MARCHF3: variants seen among roughly 807,000 people sequenced by gnomAD.
MARCHF3 encodes the protein E3 ubiquitin-protein ligase MARCHF3.
MARCHF3 carries 13 observed loss-of-function variants against 24.2 expected under a neutral mutation model. That is an observed-to-expected ratio of 0.54 (90% CI 0.35 to 0.85). The LOEUF (loss-of-function observed/expected upper bound fraction) is 0.85. Ranked by LOEUF, MARCHF3 falls within the 40% of genes least tolerant of loss-of-function variation. The pLI is 0.01. For missense variants in MARCHF3, 276 were observed against 325.0 expected (o/e 0.85, Z 1.16); for synonymous variants, 144 against 137.3 (o/e 1.05, Z -0.34).
chr5:126,989,403 G>T (rs1751675876), intron 1 of MARCHF3, among the ~76,000 whole-genome samples: 1 of 152,054 alleles, frequency 6.6e-6, no homozygotes, highest in East Asian at 1.9e-4. Flanking sequence ...GGCTAAAGCA[G>T]TAAGACAATT....
At chr5:126,885,597 TA>T (rs1156678323) in intron 3 of MARCHF3, among the ~76,000 whole-genome samples, 1 of 151,904 alleles carries the variant, frequency 6.6e-6, no homozygotes, top group Non-Finnish European at 1.5e-5. Context: ...ATATCTTGAT[TA>T]AAAAAAGAAA....
At chr5:126,943,853 C>T (rs1166136381) in intron 1 of MARCHF3, among the ~76,000 whole-genome samples, 3 of 151,918 alleles carry the variant, frequency 2.0e-5, no homozygotes, top group Non-Finnish European at 1.5e-5. Flanking sequence ...CTCTGTCGCT[C>T]AGGCTGGAGT....
At chr5:126,991,648 G>A (rs1751765467) in intron 1 of MARCHF3, among the ~76,000 whole-genome samples, 1 of 151,916 alleles carries the variant, frequency 6.6e-6, no homozygotes. Context: ...TTGAACCCAG[G>A]AGGCAGAGGT....
intron 3 of MARCHF3, among the ~76,000 whole-genome samples, chr5:126,887,498 G>T (rs1288214616): frequency 1.3e-5 from 2 of 152,152 alleles, no homozygotes; most frequent in African/African-American, 4.8e-5. Context: ...TATTACAAGT[G>T]TGTCTTTTAA....
chr5:126,940,806 C>CAT (rs1247032587), intron 1 of MARCHF3, among the ~76,000 whole-genome samples: 4 of 151,780 alleles, frequency 2.6e-5, no homozygotes, highest in East Asian at 1.9e-4. Context: ...TAAATATATA[C>CAT]AGCTATATAT....
At chr5:127,010,702 C>T (rs1752443610) in intron 1 of MARCHF3, among the ~76,000 whole-genome samples, 1 of 152,160 alleles carries the variant, frequency 6.6e-6, no homozygotes, top group African/African-American at 2.4e-5. Context: ...TGTCAAAATA[C>T]TTTTTCCACT....
At chr5:126,915,198 C>T in intron 2 of MARCHF3, 64 bp from the exon 3 acceptor site, 1 of 1,532,226 alleles carries the variant, frequency 6.5e-7, no homozygotes, top group South Asian at 1.2e-5. Context: ...GTGGATGGCC[C>T]TCTAGCTCTT....
intron 1 of MARCHF3, among the ~76,000 whole-genome samples, chr5:127,016,631 A>G (rs543408626): frequency 6.6e-6 from 1 of 152,316 alleles, no homozygotes; most frequent in South Asian, 2.1e-4. Flanking sequence ...GAGGATGTGG[A>G]GAAATAGGAA....
intron 1 of MARCHF3, among the ~76,000 whole-genome samples, chr5:127,028,650 A>G (rs1753078900): frequency 6.6e-6 from 1 of 151,944 alleles, no homozygotes; most frequent in African/African-American, 2.4e-5. Context: ...TACATGCCAT[A>G]CTGCAAAGCT....
intron 3 of MARCHF3, among the ~76,000 whole-genome samples, chr5:126,905,870 G>C (rs1754274100): frequency 1.3e-5 from 2 of 152,140 alleles, no homozygotes; most frequent in Non-Finnish European, 2.9e-5. Flanking sequence ...GAAGTGGTGA[G>C]AGAGGGCATC....
chr5:126,924,406 C>T (rs1000432985), intron 1 of MARCHF3, among the ~76,000 whole-genome samples: 21 of 152,078 alleles, frequency 1.4e-4, no homozygotes, highest in African/African-American at 4.8e-4. Context: ...GTGACTGAAA[C>T]GGGAAAAAAA....
intron 3 of MARCHF3, among the ~76,000 whole-genome samples, chr5:126,894,858 C>T (rs1753817874): frequency 6.6e-6 from 1 of 151,498 alleles, no homozygotes; most frequent in South Asian, 2.1e-4. Context: ...CGTTGGCCTG[C>T]CTTGCTAGAT....
At chr5:126,956,662 A>AAAAC (rs1750455164) in intron 1 of MARCHF3, among the ~76,000 whole-genome samples, 4 of 140,434 alleles carry the variant, frequency 2.8e-5, no homozygotes, top group African/African-American at 1.0e-4. Flanking sequence ...AAAAAAAAAA[A>AAAAC]AAAAAAAAAC....
chr5:126,995,479 C>G (rs144435542), intron 1 of MARCHF3, among the ~76,000 whole-genome samples: 5 of 152,242 alleles, frequency 3.3e-5, no homozygotes, highest in East Asian at 3.9e-4. Flanking sequence ...ATTATTAAAG[C>G]CTGCCATGTG....
At chr5:126,975,407 T>C (rs536312167) in intron 1 of MARCHF3, among the ~76,000 whole-genome samples, 14 of 152,364 alleles carry the variant, frequency 9.2e-5, no homozygotes, top group Middle Eastern at 3.4e-3. Flanking sequence ...AGATGTTTGA[T>C]ATACATTGTA....
chr5:126,977,360 T>C (rs894216797), intron 1 of MARCHF3, among the ~76,000 whole-genome samples: 1 of 152,242 alleles, frequency 6.6e-6, no homozygotes, highest in Admixed American at 6.5e-5. Context: ...AATGAATTTT[T>C]ATAATAATCT....
At chr5:127,029,606 C>T (rs1444481835) in intron 1 of MARCHF3, among the ~76,000 whole-genome samples, 1 of 152,162 alleles carries the variant, frequency 6.6e-6, no homozygotes, top group African/African-American at 2.4e-5. Context: ...CACTTAAACA[C>T]GCAGGTGCTC....
chr5:126,936,721 T>C (rs1749658169), intron 1 of MARCHF3, among the ~76,000 whole-genome samples: 2 of 152,216 alleles, frequency 1.3e-5, no homozygotes, highest in Admixed American at 1.3e-4. Flanking sequence ...CATATTAAAC[T>C]GCCTCCTGAG....
At chr5:126,915,956 T>A (rs1309146717) in intron 2 of MARCHF3, among the ~76,000 whole-genome samples, 1 of 152,156 alleles carries the variant, frequency 6.6e-6, no homozygotes, top group Admixed American at 6.5e-5. Context: ...AGTGTCCTTA[T>A]CTCTAAAATG....
Sources: allele counts gnomAD v4.1 joint callset (sites outside exome capture counted in the v4.1 genomes callset), GRCh38; gene constraint gnomAD v4.1.1; transcripts MANE v1.5; gene names NCBI Gene and HGNC (gene_info 2026-07-23, HGNC 2026-07-21).